SLC25A37: variants seen among roughly 807,000 people sequenced by gnomAD.
SLC25A37 encodes solute carrier family 25 member 37.
SLC25A37 carries 17 observed loss-of-function variants against 31.0 expected under a neutral mutation model. The ratio of observed to expected loss-of-function variants is 0.55; its 90% CI spans 0.38 to 0.82. The LOEUF is 0.82. Among genes scored for constraint, SLC25A37 ranks in the 40% least tolerant of loss-of-function variants. SLC25A37 has a pLI of 0.00. For missense variants in SLC25A37, 404 were observed against 465.8 expected (o/e 0.87, Z 1.22); for synonymous variants, 222 against 193.0 (o/e 1.15, Z -1.24).
rs758146590 is a variant in SLC25A37, at chr8:23,529,060, G to C, written c.58G>C (p.Asp20His). The C allele has an allele frequency of 6.3e-7, 1 of 1,585,368 alleles. No individual in the cohort carries two copies. The highest frequency in any genetic ancestry group is 1.8e-5 in the Admixed American group (1 of 55,588). ...GGCGGTGGCGCGGAGGATGGATGGG[G>C]ACAGCCGAGATGGCGGCGGCGGCAA... ...SQAVARRMDGDSRDGGGGKDA... is the reference protein window; with the variant it reads ...SQAVARRMDGHSRDGGGGKDA... The change falls in exon 1 of 4, where the codon GAC becomes CAC. Residue 20 changes from aspartate to histidine, a missense_variant. This residue lies in a region of SLC25A37 where 154 missense variants were observed against 153.6 expected (regional missense o/e 1.00). Transcript: ENST00000519973. The surrounding 1 kb of genome is among the most constrained non-coding windows in gnomAD (Gnocchi z 4.1).
intron 1 of SLC25A37, among the ~76,000 whole-genome samples, chr8:23,531,080 A>G (rs1441351420): frequency 6.6e-6 from 1 of 152,214 alleles, no homozygotes; most frequent in Non-Finnish European, 1.5e-5. Flanking sequence ...ACAAGTCTGT[A>G]AAACAAGGCG....
chr8:23,533,839 A>G (rs1266336240), intron 1 of SLC25A37, among the ~76,000 whole-genome samples: 1 of 152,216 alleles, frequency 6.6e-6, no homozygotes, highest in Non-Finnish European at 1.5e-5. Flanking sequence ...GGACCATGCC[A>G]GGATGCATGG....
chr8:23,566,106 A>G lies in SLC25A37; in HGVS notation c.211-2A>G, dbSNP rs1802645449. The G allele has an allele frequency of 2.5e-6, 4 of 1,576,322 alleles. No homozygotes were observed. Among genetic ancestry groups the G allele is most frequent in the Non-Finnish European group, 3.4e-6 (4 of 1,168,404 alleles). Reference sequence around the variant, plus strand: ...TTGTTTTCTCTTCTTGCCCGCTCCCAGACACGAATGCAGAGTTTGAGTCCA... The same window carrying G: ...TTGTTTTCTCTTCTTGCCCGCTCCCGGACACGAATGCAGAGTTTGAGTCCA... On this transcript the variant is annotated splice_acceptor_variant, in intron 1 of 3. Transcript: ENST00000519973. LOFTEE classifies it high-confidence loss of function.
intron 1 of SLC25A37, among the ~76,000 whole-genome samples, chr8:23,546,554 GTGTA>G (rs1563256082): frequency 9.3e-3 from 56 of 5,992 alleles, no homozygotes; most frequent in South Asian, 0.025. Context: ...TATATATATA[GTGTA>G]TATATATATA....
rs1472290332 is a variant in SLC25A37 at position 23,566,175 on chromosome 8, A to C, written c.278A>C (p.Lys93Thr). The change falls in exon 2 of 4, where the codon AAA becomes ACA. Residue 93 changes from lysine to threonine, a missense_variant. This residue lies in a region of SLC25A37 where 154 missense variants were observed against 153.6 expected (regional missense o/e 1.00). Transcript: ENST00000519973. ...QYTSIYGALK[K>T]IMRTEGFWRP... The stretch of plus-strand genomic sequence containing the variant: ...ACAAGTATCTACGGAGCCCTCAAGA[A>C]AATCATGCGGACCGAAGGCTTCTGG... 1 of 1,606,550 alleles carries C rather than the reference A, an allele frequency of 6.2e-7. No homozygotes were observed. The highest frequency in any genetic ancestry group is 8.5e-7 in the Non-Finnish European group (1 of 1,177,424).
intron 1 of SLC25A37, among the ~76,000 whole-genome samples, chr8:23,546,281 ACAGAG>A (rs1273579974): frequency 6.6e-6 from 1 of 152,036 alleles, no homozygotes; most frequent in East Asian, 1.9e-4. Flanking sequence ...AGCCTGGGTG[ACAGAG>A]CAAGATCCTG....
rs767215103 is a variant in SLC25A37, at chr8:23,571,888, AT to A, written c.*35del. The A allele has an allele frequency of 6.3e-7, 1 of 1,595,672 alleles. No homozygotes were observed. ...GATCATAGAATCTTTTCTTAAAGTC[AT>A]TCTCTGCCTGCATCCAGCCCCTTGC... On this transcript the variant is annotated 3_prime_UTR_variant, in exon 4 of 4. Coordinates refer to ENST00000519973, the MANE Select transcript of SLC25A37 (RefSeq NM_016612.4).
chr8:23,537,443 T>C (rs1016711398), intron 1 of SLC25A37, among the ~76,000 whole-genome samples: 2 of 152,182 alleles, frequency 1.3e-5, no homozygotes, highest in African/African-American at 4.8e-5. Flanking sequence ...TGTATTCCCA[T>C]TGCCAGAAAC....
intron 1 of SLC25A37, among the ~76,000 whole-genome samples, chr8:23,530,887 A>G (rs1172243700): frequency 1.3e-5 from 2 of 152,204 alleles, no homozygotes; most frequent in African/African-American, 4.8e-5. Flanking sequence ...GACACTCTCA[A>G]GAGGCGTTTC....
chr8:23,571,261 A>C (rs1001824512), intron 3 of SLC25A37, 74 bp from the exon 4 acceptor site: 49 of 1,450,536 alleles, frequency 3.4e-5, no homozygotes, highest in Middle Eastern at 2.5e-4. Context: ...CTTCATTCCG[A>C]CCTGGGGTGG....
chr8:23,548,806 A>G (rs7822753), intron 1 of SLC25A37, among the ~76,000 whole-genome samples: 10,869 of 152,224 alleles, frequency 0.071, 1,285 homozygotes, highest in African/African-American at 0.25. Context: ...ATGGAAACAC[A>G]GCATTAAGGG....
At chr8:23,554,683 G>T (rs941778073) in intron 1 of SLC25A37, among the ~76,000 whole-genome samples, 2 of 152,192 alleles carry the variant, frequency 1.3e-5, no homozygotes, top group South Asian at 2.1e-4. Context: ...TGTGGGAATG[G>T]CACCCTCTGA....
At chr8:23,533,650 A>G (rs1272726130) in intron 1 of SLC25A37, among the ~76,000 whole-genome samples, 1 of 152,214 alleles carries the variant, frequency 6.6e-6, no homozygotes, top group Non-Finnish European at 1.5e-5. Flanking sequence ...CTGGTGTGGA[A>G]GCCTTCAGCA....
In SLC25A37 at chr8:23,550,198, A is replaced by C. The variant is rs2117418172; in HGVS notation, c.211-15910A>C. Among the ~76,000 whole-genome samples the C allele has an allele frequency of 1.5e-5, 2 of 135,712 alleles. 1 individual carries two copies. The highest frequency in any genetic ancestry group is 4.5e-4 in the South Asian group (2 of 4,474). 89.0% of individuals were successfully genotyped at this position (135,712 alleles called of 152,430 possible). ...TTCCGTTTCAAAAAAAAAAAAAAAA[A>C]AAACACAAAAAAACAAAAACCCGCT... On this transcript the variant is annotated intron_variant, in intron 1 of 3. Transcript: ENST00000519973.
intron 1 of SLC25A37, among the ~76,000 whole-genome samples, chr8:23,556,596 G>GTA (rs1055675428): frequency 6.6e-6 from 1 of 151,750 alleles, no homozygotes; most frequent in African/African-American, 2.4e-5. Flanking sequence ...ATATGCATGT[G>GTA]TATATATATG....
chr8:23,560,578 T>C (rs1309707222), intron 1 of SLC25A37, among the ~76,000 whole-genome samples: 1 of 152,240 alleles, frequency 6.6e-6, no homozygotes, highest in Admixed American at 6.5e-5. Context: ...GCAGGATGAA[T>C]GAGGCTCTGG....
chr8:23,558,284 G>A (rs1802421310), intron 1 of SLC25A37, among the ~76,000 whole-genome samples: 1 of 152,176 alleles, frequency 6.6e-6, no homozygotes, highest in Admixed American at 6.5e-5. Flanking sequence ...AGGACCCCTA[G>A]AAGGGCCTGA....
At chr8:23,559,957 A>T (rs1395284514) in intron 1 of SLC25A37, among the ~76,000 whole-genome samples, 2 of 152,106 alleles carry the variant, frequency 1.3e-5, no homozygotes. Flanking sequence ...CCCCTCTCTG[A>T]TCCTCAAGGA....
intron 1 of SLC25A37, among the ~76,000 whole-genome samples, chr8:23,562,983 G>A (rs1482185701): frequency 6.6e-6 from 1 of 152,182 alleles, no homozygotes; most frequent in Non-Finnish European, 1.5e-5. Flanking sequence ...TAAAGGAGGA[G>A]TTTTGCCTCT....
Sources: allele counts gnomAD v4.1 joint callset (sites outside exome capture counted in the v4.1 genomes callset), GRCh38; gene constraint gnomAD v4.1.1; regional missense constraint gnomAD v4.1.1; non-coding constraint Gnocchi (gnomAD v3.1); transcripts MANE v1.5; gene names NCBI Gene and HGNC (gene_info 2026-07-23, HGNC 2026-07-21).